Variants in COG7 observed in about 807,000 individuals in gnomAD.
COG7 encodes conserved oligomeric Golgi complex subunit 7.
COG7 carries 49 observed loss-of-function variants against 91.5 expected under a neutral mutation model. The ratio of observed to expected loss-of-function variants is 0.54; its 90% CI spans 0.43 to 0.68. The LOEUF (loss-of-function observed/expected upper bound fraction) is 0.68. Ranked by LOEUF, COG7 falls within the 30% of genes least tolerant of loss-of-function variation. The pLI is 0.00. For synonymous variants in COG7, 365 were observed against 388.7 expected, an observed-to-expected ratio of 0.94 and a Z score of 0.72; for missense variants, 895 against 961.3, an observed-to-expected ratio of 0.93 and a Z score of 0.91.
intron 1 of COG7, among the ~76,000 whole-genome samples, chr16:23,451,318 C>A (rs375237): frequency 0.16 from 23,882 of 152,176 alleles, 2,004 homozygotes; most frequent in East Asian, 0.29. Flanking sequence ...CGTACTGAAT[C>A]AACACACAGT....
chr16:23,449,998 G>A (rs1301009276), intron 1 of COG7, among the ~76,000 whole-genome samples: 2 of 151,948 alleles, frequency 1.3e-5, no homozygotes, highest in East Asian at 3.9e-4. Context: ...GTAGTGGTGG[G>A]ATCTCTGCTC....
rs146381364 is a variant in COG7 at position 23,391,930 on chromosome 16, C to A, written c.2146+450G>T. ...ATGGAACTGCCCTGGGCCTCCGTTCCCTATCGGTATGATGGAGAAGAGAGC... is the reference window on the plus strand; with the variant it reads ...ATGGAACTGCCCTGGGCCTCCGTTCACTATCGGTATGATGGAGAAGAGAGC... On this transcript the variant is annotated intron_variant, in intron 16 of 16. Coordinates refer to ENST00000307149, the MANE Select transcript of COG7 (RefSeq NM_153603.4). 4.0e-6 allele frequency: 4 copies of A among 988,972 alleles called. No individual in the cohort carries two copies. In the African/African-American group the frequency reaches 6.7e-5, roughly 17 times the overall value. 61.3% of individuals were successfully genotyped at this position (988,972 alleles called of 1,614,324 possible).
Position 23,445,183 on chromosome 16 carries a change from G to A in COG7, c.319-19C>T, listed in dbSNP as rs376351957. The A allele has an allele frequency of 1.6e-5, 25 of 1,565,870 alleles. No homozygotes were observed. The highest frequency in any genetic ancestry group is 2.2e-5 in the Non-Finnish European group (25 of 1,136,240). ...CCAACACCTGAAAGAGGCGTGAGGGGTGAAAAATGAAGGGGTAGGTCCTTT... is the reference window on the plus strand; with the variant it reads ...CCAACACCTGAAAGAGGCGTGAGGGATGAAAAATGAAGGGGTAGGTCCTTT... On this transcript the variant is annotated intron_variant, in intron 2 of 16. Transcript: ENST00000307149.
At chr16:23,422,367 A>C (rs994501275) in intron 7 of COG7, among the ~76,000 whole-genome samples, 14 of 151,862 alleles carry the variant, frequency 9.2e-5, no homozygotes, top group Admixed American at 3.9e-4. Flanking sequence ...AAAACATTTA[A>C]TGACATAAGA....
chr16:23,405,965 C>T (rs1963453374), intron 12 of COG7, 111 bp downstream of exon 12: 9 of 913,836 alleles, frequency 9.8e-6, no homozygotes, highest in African/African-American at 3.3e-5. Context: ...TAGCAGGGTA[C>T]GTCACAGCCC....
At position 23,406,150 on chromosome 16, in the gene COG7, G is replaced by C; in HGVS notation, c.1588C>G (p.Gln530Glu). Residue 530 changes from glutamine (Q) to glutamate (E), a missense_variant, in exon 12 of 17, where the codon CAA becomes GAA. Transcript: ENST00000307149. ...TCTTTCTGGAGGTAATTATATTCTT[G>C]CCATGGGTTCTTGGCAGAGTTCTTC... ...DKKNSAKNPW[Q>E]EYNYLQKDNP... 1 of 1,614,016 alleles carries C rather than the reference G, an allele frequency of 6.2e-7. No individual in the cohort carries two copies. The highest frequency in any genetic ancestry group is 8.5e-7 in the Non-Finnish European group (1 of 1,179,958).
chr16:23,394,387 T>G (rs1406446788), intron 14 of COG7, among the ~76,000 whole-genome samples: 2 of 152,238 alleles, frequency 1.3e-5, no homozygotes, highest in Non-Finnish European at 2.9e-5. Flanking sequence ...TTCCTATTTC[T>G]ATTGTAATTC....
intron 13 of COG7, among the ~76,000 whole-genome samples, chr16:23,399,065 C>T (rs1168291074): frequency 6.6e-6 from 1 of 152,186 alleles, no homozygotes; most frequent in Non-Finnish European, 1.5e-5. Context: ...CTCCGGCGGT[C>T]ATGTAGGAAC....
chr16:23,438,114 G>A (rs954335069), intron 4 of COG7, among the ~76,000 whole-genome samples: 3 of 151,434 alleles, frequency 2.0e-5, no homozygotes, highest in African/African-American at 7.3e-5. Flanking sequence ...AAAAACTTGG[G>A]CATCAAAAGA....
At chr16:23,441,213 GA>G (rs1567346492) in intron 4 of COG7, among the ~76,000 whole-genome samples, 1 of 152,304 alleles carries the variant, frequency 6.6e-6, no homozygotes, top group Non-Finnish European at 1.5e-5. Context: ...CAAGGTAAAA[GA>G]ATCTTATAAG....
intron 4 of COG7, among the ~76,000 whole-genome samples, chr16:23,435,089 C>T (rs1963993414): frequency 2.0e-5 from 3 of 152,254 alleles, no homozygotes; most frequent in African/African-American, 2.4e-5. Flanking sequence ...TTGGGCTGGT[C>T]GCGGTAGCTC....
rs1458377331 is a variant in COG7 at position 23,433,603 on chromosome 16, G to C, written c.752C>G (p.Thr251Ser). ...QSDLSLDRQLTGLYDALLGAW... is the reference protein window; with the variant it reads ...QSDLSLDRQLSGLYDALLGAW... ...ACCAAGCAAGGCATCATAGAGTCCG[G>C]TAAGCTGCCGGTCCAGGGATAGGTC... Residue 251 changes from threonine to serine, a missense_variant, in exon 6 of 17, where the codon ACC (threonine) becomes AGC (serine). Physicochemically the swap from Thr to Ser is moderately conservative, Grantham distance 58. Coordinates refer to ENST00000307149, the MANE Select transcript of COG7 (RefSeq NM_153603.4). The C allele has an allele frequency of 1.2e-6, 2 of 1,614,064 alleles. No individual in the cohort carries two copies. Among genetic ancestry groups the C allele is most frequent in the Non-Finnish European group, 1.7e-6 (2 of 1,180,018 alleles).
Position 23,445,034 on chromosome 16 carries a change from A to C in COG7, c.435+14T>G. 6 of 1,591,956 alleles carry C rather than the reference A, an allele frequency of 3.8e-6. No homozygotes were observed. Among genetic ancestry groups the C allele is most frequent in the African/African-American group, 1.3e-5 (1 of 74,496 alleles). ...TAAATACCTTTCATAACATCCCCTA[A>C]ACAAGAAACCTACCTGAGTCTTAAA... On this transcript the variant is annotated intron_variant, in intron 3 of 16. Transcript: ENST00000307149.
intron 16 of COG7, chr16:23,390,012 G>A (rs1231477383): frequency 6.6e-6 from 1 of 152,152 alleles, no homozygotes; most frequent in East Asian, 1.9e-4. Flanking sequence ...GATGAAGCGG[G>A]AAACGAACAT....
intron 8 of COG7, among the ~76,000 whole-genome samples, chr16:23,418,408 G>C (rs935167765): frequency 6.6e-6 from 1 of 152,178 alleles, no homozygotes; most frequent in African/African-American, 2.4e-5. Flanking sequence ...AGGAGGCTGA[G>C]GCAGGAGGAT....
chr16:23,421,712 T>C (rs963387893), intron 7 of COG7, among the ~76,000 whole-genome samples: 1 of 151,578 alleles, frequency 6.6e-6, no homozygotes, highest in African/African-American at 2.4e-5. Context: ...TACTGATAGA[T>C]ACAAAAACAG....
At chr16:23,392,237 G>T (rs1168712148) in intron 16 of COG7, 143 bp downstream of exon 16, 1 of 1,523,530 alleles carries the variant, frequency 6.6e-7, no homozygotes, top group Non-Finnish European at 8.8e-7. Context: ...TGGAGAACCT[G>T]AATTTTCAAC....
intron 11 of COG7, among the ~76,000 whole-genome samples, chr16:23,408,378 CGAGTGGGGCGGGAGGTAGGGGT>C (rs1420090007): frequency 1.0e-4 from 2 of 19,502 alleles, no homozygotes; most frequent in Admixed American, 1.5e-3. Flanking sequence ...AGGTAGGGGA[CGAGTGGGGCGGGAGGTAGGGGT>C]GAGTGGGGCG....
intron 16 of COG7, among the ~76,000 whole-genome samples, chr16:23,390,678 C>T (rs564636118): frequency 1.3e-4 from 20 of 151,806 alleles, no homozygotes; most frequent in Admixed American, 6.6e-4. Context: ...TAGGCCCAAG[C>T]GATCCTCCTG....
Sources: allele counts gnomAD v4.1 joint callset (sites outside exome capture counted in the v4.1 genomes callset), GRCh38; gene constraint gnomAD v4.1.1; transcripts MANE v1.5; gene names NCBI Gene and HGNC (gene_info 2026-07-23, HGNC 2026-07-21).